The following MSRA variants were observed in gnomAD, a reference collection of about 807,000 sequenced individuals.
MSRA encodes mitochondrial peptide methionine sulfoxide reductase.
A neutral mutation model predicts 31.3 loss-of-function variants in MSRA; 54 were observed. That is an observed-to-expected ratio of 1.73 (90% CI 1.39 to 2.17). The LOEUF (loss-of-function observed/expected upper bound fraction) is 2.17. Ranked by LOEUF, MSRA falls within the 30% of genes most tolerant of loss-of-function variation. MSRA has a pLI of 0.00. For synonymous variants in MSRA, 169 were observed against 116.5 expected (o/e 1.45, Z -2.90); for missense variants, 507 against 300.9 (o/e 1.69, Z -5.07).
At chr8:10,275,166 G>A (rs1032158620) in intron 3 of MSRA, among the ~76,000 whole-genome samples, 25 of 152,244 alleles carry the variant, frequency 1.6e-4, no homozygotes, top group African/African-American at 6.0e-4. Flanking sequence ...GAAGATAAGA[G>A]TAATGTGAGC....
chr8:10,090,404 AG>A (rs759640772), intron 1 of MSRA, among the ~76,000 whole-genome samples: 5 of 152,214 alleles, frequency 3.3e-5, no homozygotes, highest in Non-Finnish European at 7.3e-5. Context: ...AAGCAGATTC[AG>A]GTGGATAAGA....
chr8:10,164,412 C>T (rs1804941504), intron 1 of MSRA, among the ~76,000 whole-genome samples: 1 of 152,184 alleles, frequency 6.6e-6, no homozygotes, highest in African/African-American at 2.4e-5. Flanking sequence ...CAAGCTAATG[C>T]TGTTCGGTGC....
intron 3 of MSRA, among the ~76,000 whole-genome samples, chr8:10,288,009 G>C (rs976751103): frequency 6.6e-6 from 1 of 152,090 alleles, no homozygotes; most frequent in Non-Finnish European, 1.5e-5. Flanking sequence ...AGTGCTCAGA[G>C]CTCATGCTAG....
At chr8:10,278,283 A>G (rs1317819560) in intron 3 of MSRA, among the ~76,000 whole-genome samples, 2 of 152,114 alleles carry the variant, frequency 1.3e-5, no homozygotes, top group Non-Finnish European at 1.5e-5. Flanking sequence ...TTCCTTTACA[A>G]CACAAGAGGC....
chr8:10,413,297 C>T (rs757159207), intron 5 of MSRA, among the ~76,000 whole-genome samples: 1 of 152,172 alleles, frequency 6.6e-6, no homozygotes, highest in African/African-American at 2.4e-5. Context: ...AATTCGGTGC[C>T]TAACCATTCG....
intron 5 of MSRA, among the ~76,000 whole-genome samples, chr8:10,408,272 C>G (rs889476547): frequency 6.6e-6 from 1 of 152,196 alleles, no homozygotes; most frequent in Non-Finnish European, 1.5e-5. Context: ...CGTGGTGGCT[C>G]ATGCTTGTAA....
At chr8:10,133,183 G>A (rs921770630) in intron 1 of MSRA, among the ~76,000 whole-genome samples, 2 of 152,176 alleles carry the variant, frequency 1.3e-5, no homozygotes, top group South Asian at 4.1e-4. Context: ...TGGGGAAGGC[G>A]GTGAGGGTGG....
intron 1 of MSRA, among the ~76,000 whole-genome samples, chr8:10,074,364 G>C (rs939268487): frequency 6.6e-6 from 1 of 151,968 alleles, no homozygotes; most frequent in Non-Finnish European, 1.5e-5. Flanking sequence ...TTACAGGTGT[G>C]AGCTGCCGCA....
At chr8:10,069,160 A>G (rs1797607165) in intron 1 of MSRA, among the ~76,000 whole-genome samples, 1 of 152,210 alleles carries the variant, frequency 6.6e-6, no homozygotes, top group South Asian at 2.1e-4. Flanking sequence ...TATTAGTTCC[A>G]GGATGTTTTC....
At chr8:10,164,012 C>T (rs565670530) in intron 1 of MSRA, among the ~76,000 whole-genome samples, 5 of 152,378 alleles carry the variant, frequency 3.3e-5, no homozygotes, top group African/African-American at 9.6e-5. Context: ...AGAAGAAATT[C>T]TCTTAGCCTG....
chr8:10,280,144 T>G (rs1799541578), intron 3 of MSRA, among the ~76,000 whole-genome samples: 1 of 152,212 alleles, frequency 6.6e-6, no homozygotes, highest in Non-Finnish European at 1.5e-5. Flanking sequence ...TTACTGAATC[T>G]GTAGTTATGG....
intron 1 of MSRA, among the ~76,000 whole-genome samples, chr8:10,105,136 C>G (rs1005829497): frequency 3.3e-5 from 5 of 152,096 alleles, no homozygotes; most frequent in African/African-American, 7.2e-5. Flanking sequence ...TTTATTCTTA[C>G]TAATTTGTAT....
chr8:10,368,791 G>A (rs576879964), intron 5 of MSRA, among the ~76,000 whole-genome samples: 6 of 152,232 alleles, frequency 3.9e-5, no homozygotes, highest in Non-Finnish European at 8.8e-5. Context: ...CATAGTGTTT[G>A]CTGCCCGCAC....
At chr8:10,328,523 A>G (rs1285699592) in intron 5 of MSRA, among the ~76,000 whole-genome samples, 1 of 152,110 alleles carries the variant, frequency 6.6e-6, no homozygotes, top group Non-Finnish European at 1.5e-5. Context: ...CCGCACAGGC[A>G]GCAGAGTGAT....
intron 3 of MSRA, among the ~76,000 whole-genome samples, chr8:10,264,882 G>A (rs930845767): frequency 2.0e-5 from 3 of 152,168 alleles, no homozygotes; most frequent in African/African-American, 7.2e-5. Context: ...CCAAATCGCA[G>A]GGTGGGGGTC....
At chr8:10,133,288 C>G (rs147943635) in intron 1 of MSRA, among the ~76,000 whole-genome samples, 2 of 152,288 alleles carry the variant, frequency 1.3e-5, no homozygotes, top group African/African-American at 2.4e-5. Flanking sequence ...ACTGAATCCT[C>G]ACGACCACTC....
intron 1 of MSRA, among the ~76,000 whole-genome samples, chr8:10,203,416 T>C (rs1024388441): frequency 6.6e-6 from 1 of 152,250 alleles, no homozygotes; most frequent in South Asian, 2.1e-4. Flanking sequence ...GTAACAGTCA[T>C]GTGCCACATA....
chr8:10,155,546 A>G (rs1804087712), intron 1 of MSRA, among the ~76,000 whole-genome samples: 1 of 152,148 alleles, frequency 6.6e-6, no homozygotes, highest in African/African-American at 2.4e-5. Context: ...TCATGCCCAG[A>G]TCTTCGTTTC....
intron 1 of MSRA, among the ~76,000 whole-genome samples, chr8:10,074,596 C>A (rs1485725621): frequency 6.6e-6 from 1 of 152,132 alleles, no homozygotes; most frequent in African/African-American, 2.4e-5. Flanking sequence ...TGATTATTTT[C>A]CAGCTTGCTT....
Sources: allele counts gnomAD v4.1 joint callset (sites outside exome capture counted in the v4.1 genomes callset), GRCh38; gene constraint gnomAD v4.1.1; transcripts MANE v1.5; gene names NCBI Gene and HGNC (gene_info 2026-07-23, HGNC 2026-07-21).